The following TMEM184B variants were observed in gnomAD, a reference collection of about 807,000 sequenced individuals.
TMEM184B encodes the protein putative MAPK-activating protein FM08.
Under a neutral mutation model 41.8 loss-of-function variants are expected in TMEM184B, and 17 were observed. That is an observed-to-expected ratio of 0.41 (90% confidence interval 0.28 to 0.61). The LOEUF is 0.61. TMEM184B is among the 20% of genes least tolerant of loss of function. TMEM184B has a pLI of 0.34. For synonymous variants in TMEM184B, 240 were observed against 229.5 expected (o/e 1.05, Z -0.41); for missense variants, 393 against 557.8 (o/e 0.70, Z 2.98).
intron 8 of TMEM184B, 126 bp from the exon 9 acceptor site, chr22:38,221,836 C>T (rs945824910): frequency 3.7e-6 from 5 of 1,345,562 alleles, no homozygotes; most frequent in Non-Finnish European, 5.0e-6. Flanking sequence ...TCAACCATCC[C>T]TTCTGGGACA....
At chr22:38,222,131 T>C in intron 8 of TMEM184B, 1 of 206,736 alleles carries the variant, frequency 4.8e-6, no homozygotes. Context: ...GCCAGGCGCG[T>C]CCCCCACCAC....
At chr22:38,248,257 T>C (rs1263502478) in intron 1 of TMEM184B, among the ~76,000 whole-genome samples, 1 of 152,074 alleles carries the variant, frequency 6.6e-6, no homozygotes, top group East Asian at 1.9e-4. Context: ...CTTCCAAGGA[T>C]TAGCCAGACC....
At chr22:38,259,826 A>G (rs1250006480) in intron 1 of TMEM184B, among the ~76,000 whole-genome samples, 1 of 151,802 alleles carries the variant, frequency 6.6e-6, no homozygotes, top group African/African-American at 2.4e-5. Flanking sequence ...CCCAGGCTGG[A>G]GTGCAGTGGT....
chr22:38,234,919 T>A (rs921658151), intron 3 of TMEM184B, among the ~76,000 whole-genome samples: 1 of 152,090 alleles, frequency 6.6e-6, no homozygotes, highest in Admixed American at 6.5e-5. Flanking sequence ...GCGGGATAAC[T>A]CCTCCCTTGG....
At position 38,221,313 on chromosome 22, in the gene TMEM184B, G is replaced by C; in HGVS notation, c.*156C>G. The C allele has an allele frequency of 7.0e-7, 1 of 1,436,466 alleles. No homozygotes were observed. Among genetic ancestry groups the C allele is most frequent in the Non-Finnish European group, 9.1e-7 (1 of 1,100,076 alleles). The allele number at this position is 1,436,466 out of a possible 1,614,324, so 89.0% of individuals were successfully genotyped here. A position where few individuals can be genotyped will look rare whatever the true frequency, so the allele number is the denominator to read the frequency against. Reference sequence around the variant, plus strand: ...CCATGGGCGAGCCTGGCTGTCCCCCGTTCCTCTGGAAGTGACATGTGAGTG... The same window carrying C: ...CCATGGGCGAGCCTGGCTGTCCCCCCTTCCTCTGGAAGTGACATGTGAGTG... On this transcript the variant is annotated 3_prime_UTR_variant, in exon 9 of 9. Transcript: ENST00000361906.
Position 38,225,334 on chromosome 22 carries a change from A to C in TMEM184B, c.787+90T>G. 1 of 1,448,214 alleles carries C rather than the reference A, an allele frequency of 6.9e-7. No homozygotes were observed. The highest frequency in any genetic ancestry group is 9.2e-7 in the Non-Finnish European group (1 of 1,083,122). The allele number at this position is 1,448,214 out of a possible 1,614,324, so 89.7% of individuals were successfully genotyped here. A position where few individuals can be genotyped will look rare whatever the true frequency, so the allele number is the denominator to read the frequency against. ...TGAGGCCCCTCTGAACAGGCCCTACAGGCACCAGGGACCATAAGCAGAAGG... is the reference window on the plus strand; with the variant it reads ...TGAGGCCCCTCTGAACAGGCCCTACCGGCACCAGGGACCATAAGCAGAAGG... On this transcript the variant is annotated intron_variant, in intron 7 of 8. Transcript: ENST00000361906. The surrounding 1 kb of genome is among the most constrained non-coding windows in gnomAD (Gnocchi z 4.4).
At chr22:38,245,858 C>A in intron 3 of TMEM184B, 77 bp downstream of exon 3, 4 of 1,431,684 alleles carry the variant, frequency 2.8e-6, no homozygotes, top group South Asian at 1.3e-5. Context: ...TGAAGCCCCT[C>A]GGGGAGGAAT....
intron 1 of TMEM184B, among the ~76,000 whole-genome samples, chr22:38,249,721 T>C (rs899736952): frequency 6.6e-6 from 1 of 152,214 alleles, no homozygotes; most frequent in African/African-American, 2.4e-5. Context: ...AGTCGATTTA[T>C]GGGATTTTGT....
At chr22:38,218,658 G>A (rs943642088), downstream of TMEM184B, among the ~76,000 whole-genome samples, 1 of 152,186 alleles carries the variant, frequency 6.6e-6, no homozygotes, top group African/African-American at 2.4e-5. Context: ...TTGGGGCTCG[G>A]TGCTTTCCCT....
chr22:38,225,293 C>G lies in TMEM184B; in HGVS notation c.787+131G>C, dbSNP rs1307560325. The G allele has an allele frequency of 3.3e-6, 4 of 1,218,352 alleles. No individual in the cohort carries two copies. Among genetic ancestry groups the G allele is most frequent in the Middle Eastern group, 2.1e-4 (1 of 4,694 alleles). The allele number at this position is 1,218,352 out of a possible 1,614,324, so 75.5% of individuals were successfully genotyped here. On this transcript the variant is annotated intron_variant, in intron 7 of 8. Coordinates refer to ENST00000361906, the MANE Select transcript of TMEM184B (RefSeq NM_012264.5). The surrounding 1 kb of genome is among the most constrained non-coding windows in gnomAD (Gnocchi z 4.4). ...TCGAGGGCTCAGATTTCACCCCCAG[C>G]AAGTGCCCAGTGGGCTGAGGCCCCT...
intron 8 of TMEM184B, 117 bp downstream of exon 8, chr22:38,224,668 G>A (rs1218670186): frequency 1.9e-6 from 2 of 1,035,358 alleles, no homozygotes; most frequent in East Asian, 2.8e-5. Flanking sequence ...ATATAGAGTG[G>A]GGATCCCATG....
intron 3 of TMEM184B, among the ~76,000 whole-genome samples, chr22:38,235,124 G>A (rs1390419960): frequency 3.9e-5 from 6 of 152,210 alleles, no homozygotes; most frequent in African/African-American, 1.2e-4. Context: ...ATGGACAGAC[G>A]TACATGGACC....
chr22:38,267,303 A>T (rs2092457448), intron 1 of TMEM184B, among the ~76,000 whole-genome samples: 1 of 152,058 alleles, frequency 6.6e-6, no homozygotes, highest in African/African-American at 2.4e-5. Context: ...AAGGAAAAGG[A>T]GGTGTCCACC....
intron 5 of TMEM184B, 80 bp downstream of exon 5, chr22:38,230,589 G>C: frequency 6.9e-7 from 1 of 1,457,970 alleles, no homozygotes; most frequent in South Asian, 1.2e-5. Flanking sequence ...CTCTAAGGTG[G>C]GGCCCAGGGC....
At chr22:38,234,859 C>T (rs796708329) in intron 3 of TMEM184B, among the ~76,000 whole-genome samples, 13 of 152,304 alleles carry the variant, frequency 8.5e-5, no homozygotes, top group African/African-American at 2.9e-4. Context: ...AGCTGTGTGG[C>T]CTCAGGCAAG....
Position 38,226,532 on chromosome 22 carries a change from C to A in TMEM184B, c.617+247G>T, listed in dbSNP as rs2091444829. On this transcript the variant is annotated intron_variant, in intron 6 of 8. Coordinates refer to ENST00000361906, the MANE Select transcript of TMEM184B (RefSeq NM_012264.5). This position sits in a 1 kb window ranked among gnomAD's most constrained non-coding sequence, Gnocchi z 4.6. ...GGTCACTGTCCCTTTGTGGCCCATC[C>A]CTTCATGGTACCACTCTGCAGCCTG... 4.4e-6 allele frequency: 2 copies of A among 450,658 alleles called. No homozygotes were observed. The highest frequency in any genetic ancestry group is 3.4e-5 in the Admixed American group (1 of 29,640). 27.9% of individuals were successfully genotyped at this position (450,658 alleles called of 1,614,324 possible). A position where few individuals can be genotyped will look rare whatever the true frequency, so the allele number is the denominator to read the frequency against.
chr22:38,221,873 G>C (rs1462964115), intron 8 of TMEM184B, 163 bp from the exon 9 acceptor site: 3 of 1,069,970 alleles, frequency 2.8e-6, no homozygotes, highest in African/African-American at 3.2e-5. Context: ...ATATGAGAAG[G>C]GGCAGGAAAA....
intron 1 of TMEM184B, among the ~76,000 whole-genome samples, chr22:38,266,963 C>T (rs1348256036): frequency 6.6e-6 from 1 of 151,796 alleles, no homozygotes; most frequent in African/African-American, 2.4e-5. Context: ...GGTGCCTGTA[C>T]TCCCAGCTAC....
intron 1 of TMEM184B, among the ~76,000 whole-genome samples, chr22:38,269,193 T>C (rs1218231140): frequency 6.6e-6 from 1 of 152,188 alleles, no homozygotes; most frequent in East Asian, 1.9e-4. Flanking sequence ...ATTACCTCCC[T>C]CTCTCCCTCC....
Sources: allele counts gnomAD v4.1 joint callset (sites outside exome capture counted in the v4.1 genomes callset), GRCh38; gene constraint gnomAD v4.1.1; non-coding constraint Gnocchi (gnomAD v3.1); transcripts MANE v1.5; gene names NCBI Gene and HGNC (gene_info 2026-07-23, HGNC 2026-07-21).